Variants in OR7C1 observed in about 807,000 individuals in gnomAD.
The protein encoded by OR7C1 is olfactory receptor family 7 subfamily C member 1.
For missense variants in OR7C1, 324 were observed against 383.3 expected (o/e 0.85, Z 1.29); for synonymous variants, 152 against 160.7 (o/e 0.95, Z 0.41).
At chr19:14,829,771 T>G (rs1247838993) in intron 1 of OR7C1, among the ~76,000 whole-genome samples, 1 of 152,230 alleles carries the variant, frequency 6.6e-6, no homozygotes, top group Non-Finnish European at 1.5e-5. Flanking sequence ...TCTGTTTCAT[T>G]GGTCTCCTTT....
intron 1 of OR7C1, among the ~76,000 whole-genome samples, chr19:14,812,000 A>C (rs565562535): frequency 2.6e-5 from 4 of 151,778 alleles, no homozygotes; most frequent in African/African-American, 4.9e-5. Flanking sequence ...TATGGGGTGT[A>C]GGTGCTTTTT....
At chr19:14,829,100 G>C (rs1479620911) in intron 1 of OR7C1, among the ~76,000 whole-genome samples, 2 of 152,164 alleles carry the variant, frequency 1.3e-5, no homozygotes, top group African/African-American at 4.8e-5. Flanking sequence ...GGTGATGTTT[G>C]AAAAAAGATC....
At chr19:14,821,945 C>G (rs142732302) in intron 1 of OR7C1, among the ~76,000 whole-genome samples, 1 of 152,174 alleles carries the variant, frequency 6.6e-6, no homozygotes, top group African/African-American at 2.4e-5. Context: ...TCCCCATGTA[C>G]GAGTGTGCAG....
intron 1 of OR7C1, among the ~76,000 whole-genome samples, chr19:14,834,057 C>T (rs571370226): frequency 1.6e-5 from 2 of 128,358 alleles, no homozygotes; most frequent in Non-Finnish European, 3.4e-5. Context: ...CCCAGGAGTT[C>T]GAGACCAGCC....
At chr19:14,817,322 T>C (rs1377507704) in intron 1 of OR7C1, among the ~76,000 whole-genome samples, 1 of 152,214 alleles carries the variant, frequency 6.6e-6, no homozygotes, top group Non-Finnish European at 1.5e-5. Context: ...CAGTCTGTTG[T>C]TGATGGGCAT....
chr19:14,808,108 A>C (rs1304798965), intron 2 of OR7C1, among the ~76,000 whole-genome samples: 1 of 151,792 alleles, frequency 6.6e-6, no homozygotes, highest in Non-Finnish European at 1.5e-5. Context: ...ATAAAAAAAA[A>C]AAAAACAACA....
intron 1 of OR7C1, among the ~76,000 whole-genome samples, chr19:14,822,454 A>G (rs371462634): frequency 9.0e-5 from 12 of 133,524 alleles, no homozygotes; most frequent in African/African-American, 3.4e-4. Flanking sequence ...GTGCGATCTC[A>G]GCTCACTGCA....
chr19:14,801,240 T>C (rs2041102), intron 2 of OR7C1, among the ~76,000 whole-genome samples: 30,706 of 152,152 alleles, frequency 0.2, 3,290 homozygotes, highest in Admixed American at 0.24. Context: ...CTATGCTTTT[T>C]CCCCCTGCTA....
At chr19:14,806,597 A>G (rs2044667481) in intron 2 of OR7C1, among the ~76,000 whole-genome samples, 1 of 151,742 alleles carries the variant, frequency 6.6e-6, no homozygotes, top group African/African-American at 2.4e-5. Flanking sequence ...ATGCATTCTC[A>G]TTGTTCAGAT....
intron 1 of OR7C1, chr19:14,827,968 T>A: frequency 6.2e-7 from 1 of 1,614,222 alleles, no homozygotes; most frequent in Non-Finnish European, 8.5e-7. Context: ...ATGTAGGTGA[T>A]GACTTTGTTC....
At chr19:14,818,539 G>T (rs552730217) in intron 1 of OR7C1, among the ~76,000 whole-genome samples, 1 of 152,182 alleles carries the variant, frequency 6.6e-6, no homozygotes, top group Non-Finnish European at 1.5e-5. Context: ...CGATTAGTGG[G>T]TTTGTTAGAT....
chr19:14,801,296 A>G (rs1389261165), intron 2 of OR7C1, among the ~76,000 whole-genome samples: 1 of 152,182 alleles, frequency 6.6e-6, no homozygotes, highest in Non-Finnish European at 1.5e-5. Context: ...CAGCTATTCC[A>G]ACCTTTGTTT....
rs556183333 is a variant in OR7C1 at position 14,832,933 on chromosome 19, T to C, written c.-623+2141A>G. On this transcript the variant is annotated intron_variant, in intron 1 of 4. Coordinates refer to ENST00000641666, the Ensembl canonical transcript of OR7C1. Reference sequence around the variant, plus strand: ...ATTAATAAATTGGCAAAAATCTAGATATAAAAGAATATGGCATACACTGTT... The same window carrying C: ...ATTAATAAATTGGCAAAAATCTAGACATAAAAGAATATGGCATACACTGTT... Among the ~76,000 whole-genome samples the C allele has an allele frequency of 3.3e-5, 5 of 152,082 alleles. No homozygotes were observed. The South Asian group carries it at 1.0e-3, about 32-fold the overall frequency.
chr19:14,813,916 A>C (rs1199771875), intron 1 of OR7C1, among the ~76,000 whole-genome samples: 1 of 152,196 alleles, frequency 6.6e-6, no homozygotes, highest in South Asian at 2.1e-4. Flanking sequence ...CATGACCAAC[A>C]GGACTTAGGT....
intron 2 of OR7C1, among the ~76,000 whole-genome samples, chr19:14,802,090 T>A (rs1193359635): frequency 6.6e-6 from 1 of 152,256 alleles, no homozygotes; most frequent in Non-Finnish European, 1.5e-5. Flanking sequence ...GAAACCAGGT[T>A]GGACAGCTTT....
chr19:14,818,716 ATTT>A (rs2044727851), intron 1 of OR7C1, among the ~76,000 whole-genome samples: 1 of 151,934 alleles, frequency 6.6e-6, no homozygotes, highest in African/African-American at 2.4e-5. Flanking sequence ...TTCTTTTTGT[ATTT>A]ATAGATGCGC....
intron 1 of OR7C1, among the ~76,000 whole-genome samples, chr19:14,817,177 G>C (rs1172101018): frequency 1.3e-5 from 2 of 152,186 alleles, no homozygotes; most frequent in East Asian, 3.8e-4. Context: ...TGGGGACTGG[G>C]CTGAATGGGA....
At chr19:14,802,307 G>A (rs1257192719) in intron 2 of OR7C1, among the ~76,000 whole-genome samples, 1 of 152,076 alleles carries the variant, frequency 6.6e-6, no homozygotes, top group Non-Finnish European at 1.5e-5. Flanking sequence ...ATCACCTGAG[G>A]TCAGGAGTTC....
intron 2 of OR7C1, among the ~76,000 whole-genome samples, chr19:14,806,785 C>T (rs973123632): frequency 4.0e-5 from 6 of 151,856 alleles, no homozygotes; most frequent in Non-Finnish European, 8.8e-5. Context: ...AGTCTATCAT[C>T]GATGGGCATT....
Sources: allele counts gnomAD v4.1 joint callset (sites outside exome capture counted in the v4.1 genomes callset), GRCh38; gene constraint gnomAD v4.1.1; transcripts MANE v1.5; gene names NCBI Gene and HGNC (gene_info 2026-07-23, HGNC 2026-07-21).